MECOM: variants seen among roughly 807,000 people sequenced by gnomAD.
MECOM encodes the protein histone-lysine N-methyltransferase MECOM.
A neutral mutation model predicts 116.3 loss-of-function variants in MECOM; 13 were observed. That is an observed-to-expected ratio of 0.11 (90% CI 0.07 to 0.18). The LOEUF is 0.18. MECOM is among the 10% of genes least tolerant of loss of function. The probability of loss-of-function intolerance (pLI) is 1.00; values close to 1 mark genes in which losing one functional copy is unlikely to be tolerated. For missense variants in MECOM, 1,299 were observed against 1,509.0 expected (o/e 0.86, Z 2.31); for synonymous variants, 528 against 535.2 (o/e 0.99, Z 0.19).
chr3:169,166,721 C>CAAACTACAAAAT (rs1743651311), intron 2 of MECOM, among the ~76,000 whole-genome samples: 1 of 152,100 alleles, frequency 6.6e-6, no homozygotes, highest in African/African-American at 2.4e-5. Context: ...CAAACATTTG[C>CAAACTACAAAAT]ATGCACTAAA....
intron 2 of MECOM, among the ~76,000 whole-genome samples, chr3:169,153,492 G>C (rs1741477340): frequency 1.3e-5 from 2 of 152,050 alleles, no homozygotes; most frequent in Admixed American, 1.3e-4. Flanking sequence ...GAGGTAGTAA[G>C]TGCTTTTGGA....
At chr3:169,295,958 T>C (rs1415328621) in intron 2 of MECOM, among the ~76,000 whole-genome samples, 1 of 152,216 alleles carries the variant, frequency 6.6e-6, no homozygotes, top group Non-Finnish European at 1.5e-5. Context: ...CTTTCAGCTC[T>C]CATACAACAG....
chr3:169,625,859 G>T (rs1159878428), intron 1 of MECOM, among the ~76,000 whole-genome samples: 1 of 152,186 alleles, frequency 6.6e-6, no homozygotes, highest in African/African-American at 2.4e-5. Flanking sequence ...TAGGAGAGAT[G>T]ATCGGAAGTA....
At chr3:169,207,946 T>C (rs1212597540) in intron 2 of MECOM, among the ~76,000 whole-genome samples, 4 of 152,146 alleles carry the variant, frequency 2.6e-5, no homozygotes, top group Non-Finnish European at 5.9e-5. Context: ...AATTTCAACT[T>C]TCACACTTGA....
intron 2 of MECOM, among the ~76,000 whole-genome samples, chr3:169,362,616 T>C (rs1424680214): frequency 1.3e-5 from 2 of 151,964 alleles, no homozygotes; most frequent in African/African-American, 2.4e-5. Context: ...AGAAATCTAT[T>C]TGCAAGTAGA....
At chr3:169,206,231 T>A (rs1329819002) in intron 2 of MECOM, among the ~76,000 whole-genome samples, 3 of 152,082 alleles carry the variant, frequency 2.0e-5, no homozygotes, top group Non-Finnish European at 4.4e-5. Flanking sequence ...CACATTATAC[T>A]CTCTTTGGCT....
chr3:169,340,441 A>G lies in MECOM; in HGVS notation c.375+40746T>C, dbSNP rs898317749. Among the ~76,000 whole-genome samples the G allele has an allele frequency of 8.5e-5, 13 of 152,168 alleles. 1 individual carries two copies. Among genetic ancestry groups the G allele is most frequent in the African/African-American group, 3.1e-4 (13 of 41,440 alleles). On this transcript the variant is annotated intron_variant, in intron 2 of 16. Coordinates refer to ENST00000651503, the MANE Select transcript of MECOM (RefSeq NM_004991.4). Reference sequence around the variant, plus strand: ...TATTTTCTACTTATAGCTGCTGTGGATTTCAAGTTAGATAGGATTATTTTT... The same window carrying G: ...TATTTTCTACTTATAGCTGCTGTGGGTTTCAAGTTAGATAGGATTATTTTT...
intron 2 of MECOM, among the ~76,000 whole-genome samples, chr3:169,327,060 A>T (rs970392189): frequency 3.9e-5 from 6 of 152,358 alleles, no homozygotes; most frequent in Non-Finnish European, 7.3e-5. Flanking sequence ...TGGTACATCC[A>T]TCATGGTTAA....
chr3:169,156,535 G>C (rs747428649), intron 2 of MECOM, among the ~76,000 whole-genome samples: 15 of 152,102 alleles, frequency 9.9e-5, no homozygotes, highest in Non-Finnish European at 2.2e-4. Flanking sequence ...GAAAGCATTT[G>C]GAAAGTCTAT....
intron 2 of MECOM, among the ~76,000 whole-genome samples, chr3:169,156,380 AC>A (rs1288887990): frequency 6.6e-6 from 1 of 152,208 alleles, no homozygotes; most frequent in African/African-American, 2.4e-5. Flanking sequence ...GTTTTATATT[AC>A]TTTGTTTCAG....
At chr3:169,465,685 T>G (rs1441058761) in intron 1 of MECOM, among the ~76,000 whole-genome samples, 1 of 152,080 alleles carries the variant, frequency 6.6e-6, no homozygotes, top group Non-Finnish European at 1.5e-5. Context: ...TAATTTATCT[T>G]TCACATTTTA....
At chr3:169,464,414 T>C (rs762712159) in intron 1 of MECOM, among the ~76,000 whole-genome samples, 1 of 152,026 alleles carries the variant, frequency 6.6e-6, no homozygotes, top group Non-Finnish European at 1.5e-5. Context: ...CAAAACACTA[T>C]CCAAAAAATC....
At chr3:169,472,963 G>T (rs551588612) in intron 1 of MECOM, 57 of 983,464 alleles carry the variant, frequency 5.8e-5, no homozygotes, top group Non-Finnish European at 6.5e-5. Context: ...CTACCTGGTA[G>T]TTATCAATAT....
At chr3:169,610,900 T>C (rs1263661111) in intron 1 of MECOM, among the ~76,000 whole-genome samples, 1 of 152,232 alleles carries the variant, frequency 6.6e-6, no homozygotes. Context: ...AATGAATGGA[T>C]GACTGAGTCT....
intron 12 of MECOM, among the ~76,000 whole-genome samples, chr3:169,095,641 C>T (rs2148893984): frequency 6.6e-6 from 1 of 152,246 alleles, no homozygotes; most frequent in African/African-American, 2.4e-5. Flanking sequence ...TAAAATATCA[C>T]TTTTTAATTC....
intron 2 of MECOM, among the ~76,000 whole-genome samples, chr3:169,182,107 T>A (rs925323545): frequency 3.3e-5 from 5 of 152,180 alleles, no homozygotes; most frequent in African/African-American, 7.2e-5. Flanking sequence ...AGTCTAAATA[T>A]TCACAGAGCT....
intron 1 of MECOM, among the ~76,000 whole-genome samples, chr3:169,636,737 C>T (rs1199634657): frequency 1.3e-5 from 2 of 152,154 alleles, no homozygotes; most frequent in Non-Finnish European, 2.9e-5. Flanking sequence ...TTTAGAGAAT[C>T]TTAAGTTACA....
intron 1 of MECOM, among the ~76,000 whole-genome samples, chr3:169,444,438 G>C (rs1287657046): frequency 1.3e-5 from 2 of 152,114 alleles, no homozygotes; most frequent in Non-Finnish European, 2.9e-5. Flanking sequence ...TCTCGTGATA[G>C]TGAATAAGTC....
At chr3:169,259,557 TA>T (rs1214169683) in intron 2 of MECOM, among the ~76,000 whole-genome samples, 4 of 151,704 alleles carry the variant, frequency 2.6e-5, no homozygotes, top group African/African-American at 7.3e-5. Context: ...ACCCCATCTC[TA>T]AAAAAATAAT....
Sources: allele counts gnomAD v4.1 joint callset (sites outside exome capture counted in the v4.1 genomes callset), GRCh38; gene constraint gnomAD v4.1.1; transcripts MANE v1.5; gene names NCBI Gene and HGNC (gene_info 2026-07-23, HGNC 2026-07-21).